CCDC33: variants seen among roughly 807,000 people sequenced by gnomAD.
The protein encoded by CCDC33 is coiled-coil domain containing 33.
CCDC33 carries 94 observed loss-of-function variants against 91.9 expected under a neutral mutation model. The ratio of observed to expected loss-of-function variants is 1.02; its 90% CI spans 0.87 to 1.21. CCDC33 has a LOEUF of 1.21. Among genes scored for constraint, CCDC33 ranks in the 50% most tolerant of loss-of-function variants. CCDC33 has a pLI of 0.00. For synonymous variants in CCDC33, 396 were observed against 374.5 expected, an observed-to-expected ratio of 1.06 and a Z score of -0.66; for missense variants, 940 against 935.5, an observed-to-expected ratio of 1.00 and a Z score of -0.06.
At chr15:74,278,029 T>G (rs1301711022) in intron 7 of CCDC33, among the ~76,000 whole-genome samples, 1 of 152,118 alleles carries the variant, frequency 6.6e-6, no homozygotes, top group Non-Finnish European at 1.5e-5. Flanking sequence ...GGATCAATCT[T>G]GAAAGATCAC....
At chr15:74,315,208 TG>T (rs2060067913) in intron 11 of CCDC33, among the ~76,000 whole-genome samples, 1 of 152,166 alleles carries the variant, frequency 6.6e-6, no homozygotes, top group Non-Finnish European at 1.5e-5. Flanking sequence ...AAGCTCGAGT[TG>T]CGGGGAGGCC....
chr15:74,217,973 TG>T (rs1226927123), intron 1 of CCDC33, among the ~76,000 whole-genome samples: 1 of 151,872 alleles, frequency 6.6e-6, no homozygotes, highest in Non-Finnish European at 1.5e-5. Flanking sequence ...GTGGGTATGT[TG>T]GGGTGGACAG....
chr15:74,306,883 A>G (rs2059903199), intron 11 of CCDC33, among the ~76,000 whole-genome samples: 1 of 152,148 alleles, frequency 6.6e-6, no homozygotes, highest in Non-Finnish European at 1.5e-5. Context: ...GGAGACATGG[A>G]GTCAGTTCTG....
chr15:74,214,791 A>G (rs2074397771), upstream of CCDC33, among the ~76,000 whole-genome samples: 1 of 152,204 alleles, frequency 6.6e-6, no homozygotes, highest in Non-Finnish European at 1.5e-5. Context: ...AAAAGCCCAA[A>G]TGGTCTTTGC....
chr15:74,243,551 G>A (rs1017514796), intron 1 of CCDC33, among the ~76,000 whole-genome samples: 5 of 152,180 alleles, frequency 3.3e-5, no homozygotes, highest in African/African-American at 1.2e-4. Flanking sequence ...TGGGGCCAAG[G>A]CGACTGCCTT....
intron 18 of CCDC33, 172 bp downstream of exon 18, chr15:74,335,260 C>A: frequency 2.8e-6 from 2 of 719,046 alleles, no homozygotes; most frequent in South Asian, 3.0e-5. Context: ...AAGGCTCGGT[C>A]TTAATTCCCC....
intron 2 of CCDC33, among the ~76,000 whole-genome samples, chr15:74,225,976 G>C (rs351179): frequency 6.6e-6 from 1 of 152,138 alleles, no homozygotes; most frequent in Non-Finnish European, 1.5e-5. Context: ...TGGAGAATGC[G>C]TGTGGGACGT....
chr15:74,325,482 T>C (rs2060292004), intron 11 of CCDC33, among the ~76,000 whole-genome samples: 1 of 152,078 alleles, frequency 6.6e-6, no homozygotes, highest in Admixed American at 6.5e-5. Context: ...AAGAGACTCC[T>C]GTAAGCTCTC....
intron 1 of CCDC33, among the ~76,000 whole-genome samples, chr15:74,237,942 A>G (rs1009808404): frequency 1.3e-5 from 2 of 152,188 alleles, no homozygotes; most frequent in Non-Finnish European, 2.9e-5. Flanking sequence ...AGCCTGGCCA[A>G]CATGGTGAAA....
intron 3 of CCDC33, among the ~76,000 whole-genome samples, chr15:74,265,751 C>T (rs2076150182): frequency 1.3e-5 from 2 of 152,202 alleles, no homozygotes; most frequent in Admixed American, 6.5e-5. Flanking sequence ...CGGCCGGGTG[C>T]GGTGGCCCAT....
chr15:74,209,096 A>C, intron 1 of CCDC33: 1 of 1,287,038 alleles, frequency 7.8e-7, no homozygotes, highest in Non-Finnish European at 9.8e-7. Flanking sequence ...GCCCTCACAG[A>C]CCTCCCGCCC....
At chr15:74,293,135 T>A (rs1567007389) in intron 10 of CCDC33, among the ~76,000 whole-genome samples, 1 of 152,120 alleles carries the variant, frequency 6.6e-6, no homozygotes, top group Non-Finnish European at 1.5e-5. Context: ...GGGAGGGAAC[T>A]CCTTTGCAAT....
chr15:74,314,190 C>T (rs954846447), intron 11 of CCDC33, among the ~76,000 whole-genome samples: 24 of 152,224 alleles, frequency 1.6e-4, no homozygotes, highest in African/African-American at 5.8e-4. Flanking sequence ...GGGGCTCCCC[C>T]GCTACTGCAT....
At chr15:74,305,747 G>A (rs1409601082) in intron 11 of CCDC33, among the ~76,000 whole-genome samples, 1 of 152,062 alleles carries the variant, frequency 6.6e-6, no homozygotes, top group Non-Finnish European at 1.5e-5. Flanking sequence ...TCATTTGTTC[G>A]ACCAGGGTTT....
At chr15:74,228,190 C>T (rs2074859869) in intron 2 of CCDC33, among the ~76,000 whole-genome samples, 1 of 152,176 alleles carries the variant, frequency 6.6e-6, no homozygotes, top group African/African-American at 2.4e-5. Context: ...CTTGTGGAGG[C>T]TGAAGGCGCA....
At chr15:74,315,405 G>T (rs1028165173) in intron 11 of CCDC33, among the ~76,000 whole-genome samples, 3 of 152,168 alleles carry the variant, frequency 2.0e-5, no homozygotes, top group Non-Finnish European at 2.9e-5. Context: ...GGTCCGGAGT[G>T]GTGGTGAAGA....
intron 17 of CCDC33, 147 bp downstream of exon 17, chr15:74,334,114 C>A (rs1369186777): frequency 3.1e-6 from 2 of 653,792 alleles, no homozygotes; most frequent in Non-Finnish European, 5.1e-6. Context: ...CAGTGTGCAA[C>A]CAGGGTCAGG....
At chr15:74,250,322 G>T (rs896580143) in intron 2 of CCDC33, among the ~76,000 whole-genome samples, 3 of 152,112 alleles carry the variant, frequency 2.0e-5, no homozygotes, top group Non-Finnish European at 4.4e-5. Flanking sequence ...TCCAGGCTCA[G>T]CACGGTTGGG....
intron 11 of CCDC33, among the ~76,000 whole-genome samples, chr15:74,317,472 A>G (rs1035088661): frequency 3.3e-5 from 5 of 152,130 alleles, no homozygotes; most frequent in South Asian, 2.1e-4. Context: ...AGGCCCCCCA[A>G]CCCTGTGCAG....
Sources: allele counts gnomAD v4.1 joint callset (sites outside exome capture counted in the v4.1 genomes callset), GRCh38; gene constraint gnomAD v4.1.1; transcripts MANE v1.5; gene names NCBI Gene and HGNC (gene_info 2026-07-23, HGNC 2026-07-21).